CTTNBP2NL: variants seen among roughly 807,000 people sequenced by gnomAD.
CTTNBP2NL encodes the protein CTTNBP2 N-terminal like.
A neutral mutation model predicts 32.5 loss-of-function variants in CTTNBP2NL; 16 were observed. That is an observed-to-expected ratio of 0.49 (90% CI 0.33 to 0.75). The LOEUF (loss-of-function observed/expected upper bound fraction) is 0.75. Among genes scored for constraint, CTTNBP2NL ranks in the 30% least tolerant of loss-of-function variants. CTTNBP2NL has a pLI of 0.02. For missense variants in CTTNBP2NL, 645 were observed against 756.0 expected, an observed-to-expected ratio of 0.85 and a Z score of 1.72; for synonymous variants, 298 against 289.4, an observed-to-expected ratio of 1.03 and a Z score of -0.30.
chr1:112,455,458 G>A (rs1350159667), intron 5 of CTTNBP2NL, among the ~76,000 whole-genome samples: 1 of 152,164 alleles, frequency 6.6e-6, no homozygotes, highest in Non-Finnish European at 1.5e-5. Flanking sequence ...AGCCAATATT[G>A]CACCATTGCA....
chr1:112,416,193 G>C lies in CTTNBP2NL; in HGVS notation c.28G>C (p.Glu10Gln). The change falls in exon 3 of 6, where the codon GAA becomes CAA. Residue 10 changes from glutamate (E) to glutamine (Q), a missense_variant. Coordinates refer to ENST00000271277, the MANE Select transcript of CTTNBP2NL (RefSeq NM_018704.3). MNLEKLSKPELLTLFSILEG... is the reference protein window; with the variant it reads MNLEKLSKPQLLTLFSILEG... ...GAATCTGGAAAAACTCAGCAAGCCT[G>C]AACTCCTGACACTATTTAGTATTCT... is the stretch of plus-strand genomic sequence containing the variant. The C allele has an allele frequency of 6.2e-7, 1 of 1,608,354 alleles. No homozygotes were observed. Among genetic ancestry groups the C allele is most frequent in the Non-Finnish European group, 8.5e-7 (1 of 1,177,474 alleles).
At chr1:112,428,795 A>T (rs1482780606) in intron 3 of CTTNBP2NL, among the ~76,000 whole-genome samples, 1 of 152,088 alleles carries the variant, frequency 6.6e-6, no homozygotes, top group African/African-American at 2.4e-5. Flanking sequence ...TTTTCTTTAA[A>T]TGCTGATTAT....
intron 2 of CTTNBP2NL, among the ~76,000 whole-genome samples, chr1:112,414,225 C>T (rs1050521960): frequency 6.6e-6 from 1 of 151,824 alleles, no homozygotes. Context: ...ATTAGCCAGG[C>T]GTGATGGTGG....
Position 112,457,027 on chromosome 1 carries a change from T to A in CTTNBP2NL, c.1535T>A (p.Phe512Tyr). 1 of 1,613,934 alleles carries A rather than the reference T, an allele frequency of 6.2e-7. No homozygotes were observed. The highest frequency in any genetic ancestry group is 8.5e-7 in the Non-Finnish European group (1 of 1,179,986). Residue 512 changes from phenylalanine (F) to tyrosine (Y), a missense_variant, in exon 6 of 6, where the codon TTC (phenylalanine) becomes TAC (tyrosine). Phe to Tyr is a conservative substitution (Grantham distance 22). Transcript: ENST00000271277. ...RNTVTQVLSR[F>Y]TSQQGPIKPV... The stretch of plus-strand genomic sequence containing the variant: ...ACAGTCACTCAGGTGCTCTCCAGAT[T>A]CACTAGCCAACAAGGGCCAATCAAG...
chr1:112,418,725 A>T (rs1352471063), intron 3 of CTTNBP2NL, among the ~76,000 whole-genome samples: 13 of 152,196 alleles, frequency 8.5e-5, no homozygotes, highest in Admixed American at 5.9e-4. Flanking sequence ...TTCAGCAGGA[A>T]AGCCTCAGTT....
At chr1:112,397,270 C>G (rs114662025) in intron 1 of CTTNBP2NL, among the ~76,000 whole-genome samples, 17 of 152,180 alleles carry the variant, frequency 1.1e-4, no homozygotes, top group Non-Finnish European at 2.2e-4. Context: ...GTGGGCTGGT[C>G]CATTGCTCAG....
chr1:112,394,951 A>G (rs914740052), upstream of CTTNBP2NL, among the ~76,000 whole-genome samples: 1 of 152,234 alleles, frequency 6.6e-6, no homozygotes, highest in Non-Finnish European at 1.5e-5. Flanking sequence ...AATGACATCA[A>G]ATACCATTAA....
intron 1 of CTTNBP2NL, among the ~76,000 whole-genome samples, chr1:112,408,557 A>G (rs1407463971): frequency 6.6e-6 from 1 of 152,134 alleles, no homozygotes; most frequent in Non-Finnish European, 1.5e-5. Flanking sequence ...TGTTTTGTAT[A>G]CATTTTAATT....
upstream of CTTNBP2NL, among the ~76,000 whole-genome samples, chr1:112,391,953 T>G (rs1200376934): frequency 1.3e-5 from 2 of 151,444 alleles, no homozygotes; most frequent in Non-Finnish European, 2.9e-5. Flanking sequence ...ATTGGGCCGC[T>G]GCACTCCAGT....
intron 3 of CTTNBP2NL, among the ~76,000 whole-genome samples, chr1:112,442,375 G>T (rs968364901): frequency 6.6e-6 from 1 of 152,006 alleles, no homozygotes; most frequent in Non-Finnish European, 1.5e-5. Flanking sequence ...TTCCCGCCTC[G>T]GCCAAAAATA....
intron 1 of CTTNBP2NL, among the ~76,000 whole-genome samples, chr1:112,404,440 A>G (rs1204259024): frequency 3.3e-5 from 5 of 152,198 alleles, no homozygotes; most frequent in Admixed American, 2.0e-4. Flanking sequence ...TTAATCCTTC[A>G]TACCATACTC....
In CTTNBP2NL at chr1:112,455,435, G is replaced by A. The variant is rs190608419; in HGVS notation, c.439-496G>A. ...GGAGAATCGCTTGAACCCAGAAGGC[G>A]GAGGTTGCAGTGAGCCAATATTGCA... On this transcript the variant is annotated intron_variant, in intron 5 of 5. Transcript: ENST00000271277. 9.8e-4 allele frequency among the ~76,000 whole-genome samples: 149 copies of A among 152,262 alleles called. 1 individual carries two copies. Among genetic ancestry groups the A allele is most frequent in the Admixed American group, 7.7e-3 (118 of 15,298 alleles).
chr1:112,439,949 T>G (rs1348876610), intron 3 of CTTNBP2NL, among the ~76,000 whole-genome samples: 6 of 152,348 alleles, frequency 3.9e-5, no homozygotes, highest in Admixed American at 2.0e-4. Flanking sequence ...TGATATTGTT[T>G]AGAAAACATT....
At chr1:112,410,379 G>A (rs1373368735) in intron 1 of CTTNBP2NL, among the ~76,000 whole-genome samples, 7 of 139,252 alleles carry the variant, frequency 5.0e-5, no homozygotes, top group African/African-American at 1.1e-4. Context: ...CAATGAGAGC[G>A]AAACTCCATC....
chr1:112,447,724 T>C (rs1283198975), intron 3 of CTTNBP2NL, among the ~76,000 whole-genome samples: 1 of 152,188 alleles, frequency 6.6e-6, no homozygotes, highest in Non-Finnish European at 1.5e-5. Flanking sequence ...AATTGCAAAT[T>C]TCCCTTTTTT....
intron 4 of CTTNBP2NL, among the ~76,000 whole-genome samples, chr1:112,453,873 CT>C (rs753951354): frequency 5.9e-5 from 9 of 152,118 alleles, no homozygotes; most frequent in Non-Finnish European, 1.3e-4. Flanking sequence ...CATTTAAGGT[CT>C]CTATATTTGA....
chr1:112,457,583 T>C lies in CTTNBP2NL; in HGVS notation c.*171T>C. The C allele has an allele frequency of 1.6e-6, 1 of 627,618 alleles. No individual in the cohort carries two copies. Among genetic ancestry groups the C allele is most frequent in the Non-Finnish European group, 2.6e-6 (1 of 388,784 alleles). The allele number at this position is 627,618 out of a possible 1,614,324, so 38.9% of individuals were successfully genotyped here. On this transcript the variant is annotated 3_prime_UTR_variant, in exon 6 of 6. Coordinates refer to ENST00000271277, the MANE Select transcript of CTTNBP2NL (RefSeq NM_018704.3). ...TTTTTTTAAGTAGAAACTGAGTAGT[T>C]TGGATTTTTATGGCTCACATCTTTT...
At chr1:112,423,970 G>C (rs2483357) in intron 3 of CTTNBP2NL, among the ~76,000 whole-genome samples, 83,833 of 152,012 alleles carry the variant, frequency 0.55, 24,262 homozygotes, top group South Asian at 0.71. Flanking sequence ...TGACCCACTC[G>C]CCTCAGCCTC....
intron 5 of CTTNBP2NL, 29 bp downstream of exon 5, chr1:112,454,585 C>A: frequency 6.9e-7 from 1 of 1,456,244 alleles, no homozygotes; most frequent in Non-Finnish European, 9.6e-7. Flanking sequence ...TTCACAGTAG[C>A]ATTTGCCTGG....
Sources: gnomAD v4.1 joint callset for allele counts (sites outside exome capture counted in the v4.1 genomes callset) on GRCh38, gnomAD v4.1.1 for gene constraint, MANE v1.5 for transcripts, NCBI Gene and HGNC (gene_info 2026-07-23, HGNC 2026-07-21) for gene names.